Variants in WASF3 observed in about 807,000 individuals in gnomAD.
WASF3 encodes the protein actin-binding protein WASF3.
In WASF3, 11 loss-of-function variants were observed where a neutral mutation model predicts 46.6. The ratio of observed to expected loss-of-function variants is 0.24; its 90% confidence interval spans 0.15 to 0.39. WASF3 has a LOEUF of 0.39. Among genes scored for constraint, WASF3 ranks in the 10% least tolerant of loss-of-function variants. The probability of loss-of-function intolerance (pLI) is 1.00; values close to 1 mark genes in which losing one functional copy is unlikely to be tolerated. For missense variants in WASF3, 576 were observed against 669.8 expected (o/e 0.86, Z 1.55); for synonymous variants, 242 against 259.7 (o/e 0.93, Z 0.65).
chr13:26,649,932 G>A (rs1380967917), intron 3 of WASF3, among the ~76,000 whole-genome samples: 1 of 152,090 alleles, frequency 6.6e-6, no homozygotes, highest in African/African-American at 2.4e-5. Flanking sequence ...TTAGCCAGGC[G>A]TGGTGGTGGG....
chr13:26,551,675 T>C, the WASF3 span, among the ~76,000 whole-genome samples: 59 of 152,196 alleles, frequency 3.9e-4, no homozygotes, highest in Non-Finnish European at 6.6e-4. Flanking sequence ...TTGAGCTGCG[T>C]TGTGAAAGTT....
intron 1 of WASF3, among the ~76,000 whole-genome samples, chr13:26,564,836 CA>C (rs1879407332): frequency 1.3e-5 from 2 of 150,018 alleles, no homozygotes. Flanking sequence ...TGGTCTGAGC[CA>C]TGTTGCTCTA....
chr13:26,672,870 A>G (rs1882961652), intron 6 of WASF3, among the ~76,000 whole-genome samples: 1 of 152,164 alleles, frequency 6.6e-6, no homozygotes, highest in Non-Finnish European at 1.5e-5. Context: ...AGGGAAGAGA[A>G]CATGAGAACA....
chr13:26,540,438 G>A, the WASF3 span, among the ~76,000 whole-genome samples: 1 of 152,130 alleles, frequency 6.6e-6, no homozygotes, highest in African/African-American at 2.4e-5. Context: ...TGGCAACCTC[G>A]AGCATTGGCC....
Position 26,620,127 on chromosome 13 carries a change from T to C in WASF3, c.-11+7069T>C, listed in dbSNP as rs568100617. 1.5e-4 allele frequency among the ~76,000 whole-genome samples: 23 copies of C among 152,294 alleles called. No individual in the cohort carries two copies. In the East Asian group the frequency reaches 4.4e-3, roughly 29 times the overall value. ...CTTTGATTGTAAAATAAAGTTATGC[T>C]AGATCTCCAAGGTTCCATTTATCTT... On this transcript the variant is annotated intron_variant, in intron 2 of 9. Transcript: ENST00000335327.
At position 26,675,650 on chromosome 13, in the gene WASF3, C is replaced by CTGTGTG. The variant is rs35156420; in HGVS notation, c.541-881_541-876dup. Among the ~76,000 whole-genome samples, 615 of 147,070 alleles carry CTGTGTG rather than the reference C, an allele frequency of 4.2e-3. 2 individuals are homozygous for CTGTGTG. Among genetic ancestry groups the CTGTGTG allele is most frequent in the Non-Finnish European group, 7.0e-3 (471 of 66,924 alleles). ...GGCTCCATGAGCACAGATGCCATGT[C>CTGTGTG]TGTGTGTGTGTGTGTGTGTGTGTTT... On this transcript the variant is annotated intron_variant, in intron 6 of 9. Coordinates refer to ENST00000335327, the MANE Select transcript of WASF3 (RefSeq NM_006646.6).
chr13:26,626,728 C>G (rs1233823494), intron 2 of WASF3, among the ~76,000 whole-genome samples: 1 of 152,078 alleles, frequency 6.6e-6, no homozygotes, highest in African/African-American at 2.4e-5. Context: ...ACCGTTATAT[C>G]AAAGTAGACT....
intron 3 of WASF3, among the ~76,000 whole-genome samples, chr13:26,658,923 A>G (rs902629851): frequency 6.6e-6 from 1 of 152,218 alleles, no homozygotes; most frequent in Non-Finnish European, 1.5e-5. Context: ...CTGAGTACCT[A>G]CTATAAGCCA....
intron 1 of WASF3, among the ~76,000 whole-genome samples, chr13:26,559,151 C>T (rs1037779344): frequency 5.3e-5 from 8 of 152,168 alleles, no homozygotes; most frequent in African/African-American, 1.9e-4. Flanking sequence ...TCATTGTGTC[C>T]TCTCCAGCTC....
chr13:26,673,186 C>T (rs1198683275), intron 6 of WASF3, among the ~76,000 whole-genome samples: 1 of 151,876 alleles, frequency 6.6e-6, no homozygotes, highest in Non-Finnish European at 1.5e-5. Context: ...TTTTAAAAGG[C>T]CTTCTAGGTT....
intron 1 of WASF3, among the ~76,000 whole-genome samples, chr13:26,606,226 G>GAGACAGAC (rs1212583983): frequency 6.6e-6 from 1 of 152,170 alleles, no homozygotes; most frequent in African/African-American, 2.4e-5. Context: ...AGCCTCACAG[G>GAGACAGAC]AGACAGACAG....
At chr13:26,539,645 CCT>C in the WASF3 span, among the ~76,000 whole-genome samples, 802 of 152,240 alleles carry the variant, frequency 5.3e-3, 4 homozygotes, top group African/African-American at 0.019. Flanking sequence ...TAGCCCCTTA[CCT>C]CTACCCCATC....
chr13:26,554,072 CTTCCTTCCTTCCTTCCTTCCTTCCTTCT>C (rs1566032400), upstream of WASF3, among the ~76,000 whole-genome samples: 15 of 85,326 alleles, frequency 1.8e-4, no homozygotes, highest in African/African-American at 6.0e-4. Flanking sequence ...TCCTTCCTTC[CTTCCTTCCTTCCTTCCTTCCTTCCTTCT>C]TTCTTTCTTT....
At chr13:26,567,080 G>A (rs1190611874) in intron 1 of WASF3, among the ~76,000 whole-genome samples, 1 of 152,146 alleles carries the variant, frequency 6.6e-6, no homozygotes, top group African/African-American at 2.4e-5. Context: ...TTCTTGTTTG[G>A]CTGTTTATCA....
At chr13:26,629,333 T>C (rs1359093900) in intron 2 of WASF3, among the ~76,000 whole-genome samples, 1 of 152,072 alleles carries the variant, frequency 6.6e-6, no homozygotes, top group East Asian at 1.9e-4. Flanking sequence ...GTTCCTCATC[T>C]TCCAGTTCTT....
chr13:26,624,866 C>G (rs892980977), intron 2 of WASF3, among the ~76,000 whole-genome samples: 1 of 152,012 alleles, frequency 6.6e-6, no homozygotes, highest in African/African-American at 2.4e-5. Context: ...AAGCTCAAAT[C>G]CTGTCGATGC....
chr13:26,566,545 C>T (rs1046937224), intron 1 of WASF3, among the ~76,000 whole-genome samples: 3 of 152,212 alleles, frequency 2.0e-5, no homozygotes, highest in East Asian at 1.9e-4. Context: ...CTGTTTCTCA[C>T]CTATGTGGAA....
rs57148941 is a variant in WASF3 at position 26,599,184 on chromosome 13, C to CTTTTTTTTTTT, written c.-108-13770_-108-13760dup. On this transcript the variant is annotated intron_variant, in intron 1 of 9. Transcript: ENST00000335327. ...GCCTGCCCTGCTCTTCTTTTCATTTCTTTTTTTTTTTTTTTTTGAGACGGA... is the reference window on the plus strand; with the variant it reads ...GCCTGCCCTGCTCTTCTTTTCATTTCTTTTTTTTTTTTTTTTTTTTTTTTTTTTGAGACGGA... Among the ~76,000 whole-genome samples the CTTTTTTTTTTT allele has an allele frequency of 3.4e-5, 4 of 118,292 alleles. 1 individual carries two copies. Among genetic ancestry groups the CTTTTTTTTTTT allele is most frequent in the Admixed American group, 9.9e-5 (1 of 10,118 alleles). 77.6% of individuals were successfully genotyped at this position (118,292 alleles called of 152,430 possible). A position where few individuals can be genotyped will look rare whatever the true frequency, so the allele number is the denominator to read the frequency against.
At chr13:26,623,215 C>T (rs1881360725) in intron 2 of WASF3, among the ~76,000 whole-genome samples, 2 of 152,284 alleles carry the variant, frequency 1.3e-5, no homozygotes, top group South Asian at 4.1e-4. Context: ...TTTCTACAGC[C>T]CTCCACTGGG....
Sources: allele counts gnomAD v4.1 joint callset (sites outside exome capture counted in the v4.1 genomes callset), GRCh38; gene constraint gnomAD v4.1.1; transcripts MANE v1.5; gene names NCBI Gene and HGNC (gene_info 2026-07-23, HGNC 2026-07-21).